Variants in SMC1B observed in about 807,000 individuals in gnomAD.
SMC1B encodes the protein structural maintenance of chromosomes protein 1B.
SMC1B carries 60 observed loss-of-function variants against 157.9 expected under a neutral mutation model. That is an observed-to-expected ratio of 0.38 (90% confidence interval 0.31 to 0.47). The LOEUF (loss-of-function observed/expected upper bound fraction) is 0.47. Ranked by LOEUF, SMC1B falls within the 20% of genes least tolerant of loss-of-function variation. The probability of loss-of-function intolerance (pLI) is 0.99; values close to 1 mark genes in which losing one functional copy is unlikely to be tolerated. For synonymous variants in SMC1B, 445 were observed against 483.0 expected (o/e 0.92, Z 1.03); for missense variants, 1,165 against 1,426.2 (o/e 0.82, Z 2.95).
rs5765275 is a variant in SMC1B, at chr22:45,352,459, A to T, written c.3417T>A (p.Ala1139=). ...AGCTTTTGTGACCTTACCTGTGCACAGCAAACAGGAGAGCCAAGGCTGCCA... is the reference window on the plus strand; with the variant it reads ...AGCTTTTGTGACCTTACCTGTGCACTGCAAACAGGAGAGCCAAGGCTGCCA... The part of the protein sequence containing the change: ...KCVAALALLF[A]VHSFRPAPFF... Residue 1139 remains alanine, a synonymous_variant, in exon 22 of 25, where the codon GCT becomes GCA. Transcript: ENST00000357450. The T allele has an allele frequency of 2.4e-5, 39 of 1,613,258 alleles. No individual in the cohort carries two copies. Among genetic ancestry groups the T allele is most frequent in the Non-Finnish European group, 3.3e-5 (39 of 1,179,700 alleles).
At chr22:45,404,655 T>C (rs892235880) in intron 4 of SMC1B, among the ~76,000 whole-genome samples, 6 of 152,238 alleles carry the variant, frequency 3.9e-5, no homozygotes, top group African/African-American at 7.2e-5. Context: ...TTTCAATCAA[T>C]TGCCAATCAG....
rs1318245154 is a variant in SMC1B at position 45,371,606 on chromosome 22, A to C, written c.2197-19T>G. 4 of 1,572,826 alleles carry C rather than the reference A, an allele frequency of 2.5e-6. No homozygotes were observed. The highest frequency in any genetic ancestry group is 2.0e-5 in the Admixed American group (1 of 50,992). ...ATTGTTCCTAATAACAAAAGAGAAA[A>C]ATTTTTTTAACATGGCTGTTTTAGC... On this transcript the variant is annotated intron_variant, in intron 13 of 24. Coordinates refer to ENST00000357450, the MANE Select transcript of SMC1B (RefSeq NM_148674.5).
intron 1 of SMC1B, among the ~76,000 whole-genome samples, chr22:45,412,968 G>C (rs2087364122): frequency 6.6e-6 from 1 of 152,182 alleles, no homozygotes; most frequent in South Asian, 2.1e-4. Context: ...AGGGCCAAGG[G>C]CAAGAGCAGT....
At chr22:45,358,906 A>G in intron 18 of SMC1B, 111 bp from the exon 19 acceptor site, 1 of 659,598 alleles carries the variant, frequency 1.5e-6, no homozygotes, top group Non-Finnish European at 2.7e-6. Flanking sequence ...GATCAGTTAT[A>G]TAGATCACCT....
chr22:45,361,994 G>A lies in SMC1B; in HGVS notation c.2563-10C>T. 6.2e-7 allele frequency: 1 copy of A among 1,611,610 alleles called. No homozygotes were observed. Among genetic ancestry groups the A allele is most frequent in the East Asian group, 2.2e-5 (1 of 44,842 alleles). The stretch of plus-strand genomic sequence containing the variant: ...GACAGTTTTCTTCAGCCTGAACAGA[G>A]AGGATCTGCATTGTAGATTTACTAT... On this transcript the variant is annotated splice_polypyrimidine_tract_variant and intron_variant, in intron 16 of 24. Transcript: ENST00000357450.
chr22:45,385,811 C>T (rs2086983721), intron 11 of SMC1B, among the ~76,000 whole-genome samples: 1 of 151,976 alleles, frequency 6.6e-6, no homozygotes, highest in Non-Finnish European at 1.5e-5. Flanking sequence ...AACTCAATGA[C>T]AGTGATCACA....
At chr22:45,385,127 T>C (rs904438660) in intron 11 of SMC1B, among the ~76,000 whole-genome samples, 1 of 152,142 alleles carries the variant, frequency 6.6e-6, no homozygotes, top group Non-Finnish European at 1.5e-5. Flanking sequence ...AATAATTACA[T>C]GTATGTAAAG....
intron 18 of SMC1B, among the ~76,000 whole-genome samples, chr22:45,359,061 C>A (rs2086696245): frequency 1.3e-5 from 2 of 152,130 alleles, no homozygotes; most frequent in South Asian, 4.1e-4. Context: ...AACCTTCAAT[C>A]TGTAAAACAA....
At chr22:45,348,943 A>G (rs2086580284) in intron 23 of SMC1B, among the ~76,000 whole-genome samples, 1 of 151,684 alleles carries the variant, frequency 6.6e-6, no homozygotes, top group African/African-American at 2.4e-5. Flanking sequence ...GACTCAAGCA[A>G]TCCACCCGCC....
intron 8 of SMC1B, among the ~76,000 whole-genome samples, chr22:45,394,483 T>C (rs1377168439): frequency 6.6e-6 from 1 of 151,496 alleles, no homozygotes; most frequent in Non-Finnish European, 1.5e-5. Context: ...TTACCAGAAA[T>C]AGAAAAAATT....
At chr22:45,363,111 T>A in intron 15 of SMC1B, 85 bp from the exon 16 acceptor site, 1 of 957,048 alleles carries the variant, frequency 1.0e-6, no homozygotes, top group Non-Finnish European at 1.5e-6. Context: ...CAAACAAATA[T>A]AAAAGTAAAA....
intron 14 of SMC1B, 92 bp downstream of exon 14, chr22:45,371,379 C>T (rs1488418494): frequency 2.9e-6 from 4 of 1,402,560 alleles, no homozygotes; most frequent in Non-Finnish European, 3.7e-6. Context: ...TACCTATCAA[C>T]CTTTGCTTTA....
At chr22:45,390,482 C>A (rs1028869921) in intron 9 of SMC1B, among the ~76,000 whole-genome samples, 2 of 151,776 alleles carry the variant, frequency 1.3e-5, no homozygotes, top group African/African-American at 4.8e-5. Flanking sequence ...CCGAGGCGGG[C>A]AGATCATGGG....
intron 23 of SMC1B, among the ~76,000 whole-genome samples, chr22:45,349,361 G>C (rs964905055): frequency 6.0e-5 from 9 of 150,878 alleles, no homozygotes; most frequent in Admixed American, 3.3e-4. Context: ...TTTTGAGACA[G>C]AGTCTCACTC....
At chr22:45,351,466 G>A (rs1193256754) in intron 22 of SMC1B, among the ~76,000 whole-genome samples, 1 of 152,152 alleles carries the variant, frequency 6.6e-6, no homozygotes, top group Non-Finnish European at 1.5e-5. Flanking sequence ...CTAGAGACCA[G>A]TAAAAAGTTT....
chr22:45,403,617 C>A (rs1243095736), intron 4 of SMC1B, among the ~76,000 whole-genome samples: 1 of 152,058 alleles, frequency 6.6e-6, no homozygotes, highest in Admixed American at 6.6e-5. Context: ...CCACACCAGG[C>A]AAAGTTTTTT....
chr22:45,400,865 C>T (rs986535236), intron 5 of SMC1B, among the ~76,000 whole-genome samples: 7 of 152,150 alleles, frequency 4.6e-5, no homozygotes, highest in Non-Finnish European at 1.0e-4. Context: ...CTTCTGTGGG[C>T]TTCCTCCCCA....
At chr22:45,400,519 T>G (rs2087179896) in intron 5 of SMC1B, among the ~76,000 whole-genome samples, 1 of 152,170 alleles carries the variant, frequency 6.6e-6, no homozygotes. Flanking sequence ...AAATAACAAT[T>G]AATTTAATTT....
chr22:45,354,875 A>C (rs1289941937), intron 20 of SMC1B, 84 bp downstream of exon 20: 2 of 1,314,070 alleles, frequency 1.5e-6, no homozygotes, highest in Non-Finnish European at 2.2e-6. Flanking sequence ...AAAAAGGGAC[A>C]ACAGAGGGGA....
Sources: allele counts gnomAD v4.1 joint callset (sites outside exome capture counted in the v4.1 genomes callset), GRCh38; gene constraint gnomAD v4.1.1; transcripts MANE v1.5; gene names NCBI Gene and HGNC (gene_info 2026-07-23, HGNC 2026-07-21).